Variants in NCALD observed in about 807,000 individuals in gnomAD.
NCALD encodes the protein neurocalcin-delta.
NCALD carries 10 observed loss-of-function variants against 18.6 expected under a neutral mutation model. The observed-to-expected ratio is 0.54, with a 90% CI of 0.33 to 0.91. NCALD has a LOEUF of 0.91. Ranked by LOEUF, NCALD falls within the 40% of genes least tolerant of loss-of-function variation. The pLI, the probability that NCALD is intolerant of heterozygous loss-of-function variation, is 0.03. For missense variants in NCALD, 184 were observed against 247.6 expected (o/e 0.74, Z 1.72); for synonymous variants, 88 against 87.4 (o/e 1.01, Z -0.04).
At chr8:101,702,672 C>T (rs976453420) in intron 2 of NCALD, among the ~76,000 whole-genome samples, 2 of 152,196 alleles carry the variant, frequency 1.3e-5, no homozygotes, top group Admixed American at 6.5e-5. Flanking sequence ...TAGATGTAGC[C>T]TTAACATGGG....
intron 4 of NCALD, among the ~76,000 whole-genome samples, chr8:101,881,138 C>T (rs1816479770): frequency 6.6e-6 from 1 of 151,836 alleles, no homozygotes; most frequent in Non-Finnish European, 1.5e-5. Flanking sequence ...CATAAAACCA[C>T]CTAACGAAAT....
chr8:101,792,956 A>G (rs1758205377), upstream of NCALD, among the ~76,000 whole-genome samples: 1 of 152,190 alleles, frequency 6.6e-6, no homozygotes, highest in African/African-American at 2.4e-5. Flanking sequence ...AAAATTAGCA[A>G]AAAACCAACA....
upstream of NCALD, among the ~76,000 whole-genome samples, chr8:101,794,874 T>C (rs118177503): frequency 6.7e-3 from 1,021 of 152,352 alleles, 29 homozygotes; most frequent in Admixed American, 0.05. Context: ...TTCTCATGTT[T>C]GTTTTACACT....
At chr8:101,723,883 C>A (rs890429052) in intron 1 of NCALD, among the ~76,000 whole-genome samples, 2 of 151,978 alleles carry the variant, frequency 1.3e-5, no homozygotes, top group African/African-American at 4.8e-5. Flanking sequence ...GCTAATATAT[C>A]TTTTCATGTT....
At chr8:101,748,505 T>C (rs898132620) in intron 1 of NCALD, among the ~76,000 whole-genome samples, 2 of 152,192 alleles carry the variant, frequency 1.3e-5, no homozygotes, top group Non-Finnish European at 2.9e-5. Context: ...TTCGTGAATA[T>C]GAGGCCTTTC....
chr8:102,013,987 A>G (rs910538745), intron 2 of NCALD, among the ~76,000 whole-genome samples: 10 of 152,220 alleles, frequency 6.6e-5, no homozygotes, highest in African/African-American at 2.4e-4. Context: ...GAAGCTTGTC[A>G]GAGGAATGGG....
intron 2 of NCALD, among the ~76,000 whole-genome samples, chr8:101,949,244 T>C (rs1025229174): frequency 2.0e-5 from 3 of 152,186 alleles, no homozygotes; most frequent in Non-Finnish European, 4.4e-5. Context: ...GCTGTTTTCT[T>C]ATCCAAGAGA....
At chr8:101,842,648 T>C (rs1308258167) in intron 4 of NCALD, among the ~76,000 whole-genome samples, 1 of 152,268 alleles carries the variant, frequency 6.6e-6, no homozygotes, top group African/African-American at 2.4e-5. Flanking sequence ...GTGATCTTCC[T>C]CTTACCTCTG....
chr8:101,851,961 A>G (rs1815110110), intron 4 of NCALD, among the ~76,000 whole-genome samples: 1 of 152,124 alleles, frequency 6.6e-6, no homozygotes, highest in African/African-American at 2.4e-5. Context: ...ATAAAACTGG[A>G]TGAAGGGTAC....
At chr8:101,743,903 C>T (rs528967786) in intron 1 of NCALD, among the ~76,000 whole-genome samples, 5 of 152,312 alleles carry the variant, frequency 3.3e-5, no homozygotes, top group South Asian at 2.1e-4. Context: ...AGGATCCCTT[C>T]GGGCCAAGGC....
At chr8:102,102,875 G>A (rs368614993) in intron 1 of NCALD, among the ~76,000 whole-genome samples, 27 of 152,304 alleles carry the variant, frequency 1.8e-4, no homozygotes, top group African/African-American at 6.5e-4. Flanking sequence ...ACAGGTCCAA[G>A]GCCTGGTCCT....
chr8:102,083,369 T>C (rs1824614487), intron 1 of NCALD, among the ~76,000 whole-genome samples: 1 of 152,176 alleles, frequency 6.6e-6, no homozygotes, highest in South Asian at 2.1e-4. Context: ...AGCCTTCCCA[T>C]AACCAATTAA....
At chr8:102,030,784 G>A (rs1169115707) in intron 1 of NCALD, among the ~76,000 whole-genome samples, 1 of 152,130 alleles carries the variant, frequency 6.6e-6, no homozygotes, top group African/African-American at 2.4e-5. Flanking sequence ...GCTGAGGCAT[G>A]AGAATCACTT....
intron 4 of NCALD, among the ~76,000 whole-genome samples, chr8:101,810,740 C>T (rs1431817038): frequency 6.6e-6 from 1 of 152,012 alleles, no homozygotes; most frequent in Non-Finnish European, 1.5e-5. Context: ...AAAGCACACA[C>T]CACATACTCC....
chr8:102,079,519 T>A (rs1162282980), intron 1 of NCALD, among the ~76,000 whole-genome samples: 1 of 152,122 alleles, frequency 6.6e-6, no homozygotes, highest in Non-Finnish European at 1.5e-5. Flanking sequence ...TGGAATCCAC[T>A]CTTTTGGAAG....
At chr8:101,814,163 C>T (rs550282227) in intron 4 of NCALD, among the ~76,000 whole-genome samples, 1 of 151,988 alleles carries the variant, frequency 6.6e-6, no homozygotes, top group African/African-American at 2.4e-5. Context: ...TTCTATGTGG[C>T]CAGCATTATC....
intron 1 of NCALD, among the ~76,000 whole-genome samples, chr8:102,091,873 G>T (rs1448414277): frequency 6.6e-6 from 1 of 152,148 alleles, no homozygotes; most frequent in East Asian, 1.9e-4. Context: ...GCCTGAAGAA[G>T]TTACAGAAGA....
At chr8:101,732,296 T>C (rs548734429) in intron 1 of NCALD, among the ~76,000 whole-genome samples, 3 of 152,284 alleles carry the variant, frequency 2.0e-5, no homozygotes, top group South Asian at 4.1e-4. Context: ...AAATCCATCA[T>C]GGTGATCCAG....
chr8:101,891,885 C>A (rs958936160), intron 3 of NCALD, among the ~76,000 whole-genome samples: 1 of 152,196 alleles, frequency 6.6e-6, no homozygotes, highest in African/African-American at 2.4e-5. Flanking sequence ...CTCGCTGATT[C>A]CTACCACAGC....
Sources: gnomAD v4.1 joint callset for allele counts (sites outside exome capture counted in the v4.1 genomes callset) on GRCh38, gnomAD v4.1.1 for gene constraint, MANE v1.5 for transcripts, NCBI Gene and HGNC (gene_info 2026-07-23, HGNC 2026-07-21) for gene names.